Variants in SNX18 observed in about 807,000 individuals in gnomAD.
SNX18 encodes sorting nexin 18.
SNX18 carries 35 observed loss-of-function variants against 48.7 expected under a neutral mutation model. That is an observed-to-expected ratio of 0.72 (90% CI 0.55 to 0.95). The LOEUF (loss-of-function observed/expected upper bound fraction) is 0.95. Ranked by LOEUF, SNX18 falls within the 40% of genes least tolerant of loss-of-function variation. The pLI is 0.00. For missense variants in SNX18, 824 were observed against 871.0 expected, an observed-to-expected ratio of 0.95 and a Z score of 0.68; for synonymous variants, 492 against 384.7, an observed-to-expected ratio of 1.28 and a Z score of -3.26.
At chr5:54,577,985 A>G in the SNX18 span, among the ~76,000 whole-genome samples, 10 of 152,198 alleles carry the variant, frequency 6.6e-5, no homozygotes, top group African/African-American at 2.4e-4. Context: ...GCTCATTATT[A>G]CACAAAAATG....
At chr5:54,565,433 T>A in the SNX18 span, among the ~76,000 whole-genome samples, 1 of 151,920 alleles carries the variant, frequency 6.6e-6, no homozygotes, top group South Asian at 2.1e-4. Flanking sequence ...AAATACTGGG[T>A]GCAGTGGCAT....
At chr5:54,588,610 A>T in the SNX18 span, among the ~76,000 whole-genome samples, 1 of 152,160 alleles carries the variant, frequency 6.6e-6, no homozygotes, top group African/African-American at 2.4e-5. Flanking sequence ...TACAGGCGTG[A>T]GCCACCGCAC....
chr5:54,530,514 C>T (rs78182333), intron 1 of SNX18, among the ~76,000 whole-genome samples: 2 of 152,242 alleles, frequency 1.3e-5, no homozygotes, highest in African/African-American at 2.4e-5. Flanking sequence ...ACTTATTCTA[C>T]AGGCAGTCAG....
chr5:54,523,336 T>TG, intron 1 of SNX18, among the ~76,000 whole-genome samples: 1 of 152,374 alleles, frequency 6.6e-6, no homozygotes, highest in East Asian at 1.9e-4. Flanking sequence ...CAATCTCTAA[T>TG]ATTTAATAAA....
the SNX18 span, among the ~76,000 whole-genome samples, chr5:54,576,019 A>G: frequency 6.6e-6 from 1 of 152,206 alleles, no homozygotes. Context: ...ACATGCAAAA[A>G]TTATCAAAAC....
In SNX18 at chr5:54,541,812, A is replaced by G. The variant is rs75034803; in HGVS notation, c.1622-1367A>G. Among the ~76,000 whole-genome samples the G allele has an allele frequency of 1.7e-3, 253 of 152,350 alleles. 3 individuals carry two copies. In the East Asian group the frequency reaches 0.036, roughly 22 times the overall value. Reference sequence around the variant, plus strand: ...TTCTCAGGTCTTTGAACTATGCCAAAAAAGCATACTGCTTTACGTTTAAGG... The same window carrying G: ...TTCTCAGGTCTTTGAACTATGCCAAGAAAGCATACTGCTTTACGTTTAAGG... On this transcript the variant is annotated intron_variant, in intron 1 of 1. Coordinates refer to ENST00000381410, the MANE Select transcript of SNX18 (RefSeq NM_001102575.2).
chr5:54,597,614 C>T, the SNX18 span, among the ~76,000 whole-genome samples: 2,542 of 152,224 alleles, frequency 0.017, 51 homozygotes, highest in Non-Finnish European at 0.021. Flanking sequence ...CCACATGGAA[C>T]TTTAACAGCC....
chr5:54,603,064 C>T, the SNX18 span, among the ~76,000 whole-genome samples: 1 of 151,998 alleles, frequency 6.6e-6, no homozygotes, highest in African/African-American at 2.4e-5. Flanking sequence ...CATTCTTTAA[C>T]TTGGATTTTC....
the SNX18 span, among the ~76,000 whole-genome samples, chr5:54,603,917 G>C: frequency 3.3e-5 from 5 of 152,156 alleles, no homozygotes; most frequent in African/African-American, 4.8e-5. Flanking sequence ...CTCAAGTGGG[G>C]GGTTTTGCAA....
the SNX18 span, among the ~76,000 whole-genome samples, chr5:54,614,821 CAT>C: frequency 6.6e-6 from 1 of 152,078 alleles, no homozygotes; most frequent in South Asian, 2.1e-4. Context: ...ATTTAAAAGA[CAT>C]AGACACTAAA....
chr5:54,638,705 CTCA>C, the SNX18 span, among the ~76,000 whole-genome samples: 1 of 152,110 alleles, frequency 6.6e-6, no homozygotes, highest in Non-Finnish European at 1.5e-5. Flanking sequence ...TCATTTTAGC[CTCA>C]TAACAATCTT....
At chr5:54,588,323 T>C in the SNX18 span, among the ~76,000 whole-genome samples, 62 of 21,788 alleles carry the variant, frequency 2.8e-3, no homozygotes, top group African/African-American at 0.011. Flanking sequence ...TTTTTTTTTT[T>C]TTTTTTTTTT....
In SNX18 at chr5:54,544,531, A is replaced by G. The variant is rs1472903775; in HGVS notation, c.*1099A>G. 6.6e-6 allele frequency: 1 copy of G among 150,660 alleles called. No individual in the cohort carries two copies. Among genetic ancestry groups the G allele is most frequent in the East Asian group, 1.9e-4 (1 of 5,132 alleles). The allele number at this position is 150,660 out of a possible 1,614,324, so 9.3% of individuals were successfully genotyped here. ...TAATATGTCATGAAAAGTGGTGTGGATTGATCTAAGGAGGGACCAGAAATA... is the reference window on the plus strand; with the variant it reads ...TAATATGTCATGAAAAGTGGTGTGGGTTGATCTAAGGAGGGACCAGAAATA... On this transcript the variant is annotated 3_prime_UTR_variant, in exon 2 of 2. Coordinates refer to ENST00000381410, the MANE Select transcript of SNX18 (RefSeq NM_001102575.2).
At chr5:54,522,861 T>C (rs1199300805) in intron 1 of SNX18, among the ~76,000 whole-genome samples, 1 of 152,204 alleles carries the variant, frequency 6.6e-6, no homozygotes, top group East Asian at 1.9e-4. Flanking sequence ...GTACATACTT[T>C]CTGCAGAAGT....
chr5:54,527,364 G>A (rs2565005), intron 1 of SNX18, among the ~76,000 whole-genome samples: 23,053 of 151,476 alleles, frequency 0.15, 2,473 homozygotes, highest in East Asian at 0.26. Flanking sequence ...GAGCCGGGGG[G>A]GGGGGTCCCC....
At chr5:54,595,951 T>C in the SNX18 span, among the ~76,000 whole-genome samples, 15 of 152,122 alleles carry the variant, frequency 9.9e-5, no homozygotes, top group Admixed American at 3.3e-4. Context: ...TGTGCCTGTC[T>C]CTCCCCTGTG....
the SNX18 span, among the ~76,000 whole-genome samples, chr5:54,632,581 G>A: frequency 1.3e-5 from 2 of 152,236 alleles, no homozygotes; most frequent in East Asian, 3.9e-4. Flanking sequence ...GTCTTTACCA[G>A]AAGCCCAGCC....
the SNX18 span, among the ~76,000 whole-genome samples, chr5:54,606,851 T>A: frequency 2.4e-4 from 36 of 151,970 alleles, no homozygotes; most frequent in Middle Eastern, 6.8e-3. Context: ...AATTGCACAG[T>A]TCCATAAAAT....
At position 54,519,057 on chromosome 5, in the gene SNX18, C is replaced by T; in HGVS notation, c.1105C>T (p.Leu369=). The T allele has an allele frequency of 6.2e-7, 1 of 1,613,830 alleles. No individual in the cohort carries two copies. The change falls in exon 1 of 2, where the codon CTG becomes TTG. Residue 369 remains leucine (L), a synonymous_variant. Transcript: ENST00000381410. ...GAACCACATGGCCAGCCACCCAGTGCTGGCGCAGTGCGACGTCTTCCAGCA... is the reference window on the plus strand; with the variant it reads ...GAACCACATGGCCAGCCACCCAGTGTTGGCGCAGTGCGACGTCTTCCAGCA... ...WMNHMASHPV[L]AQCDVFQHFL...
Sources: allele counts gnomAD v4.1 joint callset (sites outside exome capture counted in the v4.1 genomes callset), GRCh38; gene constraint gnomAD v4.1.1; transcripts MANE v1.5; gene names NCBI Gene and HGNC (gene_info 2026-07-23, HGNC 2026-07-21).